Variants in EPB41L4A observed in about 807,000 individuals in gnomAD.
The protein encoded by EPB41L4A is band 4.1-like protein 4A.
In EPB41L4A, 100 loss-of-function variants were observed where a neutral mutation model predicts 108.6. That is an observed-to-expected ratio of 0.92 (90% CI 0.78 to 1.09). The LOEUF (loss-of-function observed/expected upper bound fraction) is 1.09, where lower values mean the gene tolerates loss of function less well. Among genes scored for constraint, EPB41L4A ranks in the 50% least tolerant of loss-of-function variants. The probability of loss-of-function intolerance (pLI) is 0.00; values close to 1 mark genes in which losing one functional copy is unlikely to be tolerated. For synonymous variants in EPB41L4A, 319 were observed against 289.0 expected (o/e 1.10, Z -1.05); for missense variants, 1,030 against 842.7 (o/e 1.22, Z -2.75).
rs563448923 is a variant in EPB41L4A, at chr5:112,179,215, T to G, written c.1622+4801A>C. On this transcript the variant is annotated intron_variant, in intron 18 of 22. Coordinates refer to ENST00000261486, the MANE Select transcript of EPB41L4A (RefSeq NM_022140.5). ...AAACTGAATTTGTAATTTAAAACCT[T>G]CCACAAAGAACATTCCAGGCAGAGA... is the stretch of plus-strand genomic sequence containing the variant. Among the ~76,000 whole-genome samples, 201 of 152,218 alleles carry G rather than the reference T, an allele frequency of 1.3e-3. 1 individual carries two copies. The highest frequency in any genetic ancestry group is 4.6e-3 in the African/African-American group (193 of 41,578).
At chr5:112,161,690 A>G (rs114738159), downstream of EPB41L4A, 4,689 of 495,230 alleles carry the variant, frequency 9.5e-3, 189 homozygotes, top group African/African-American at 0.083. Flanking sequence ...AGCCAGTTCT[A>G]ATTTTTGTTC....
At chr5:112,317,708 A>G (rs1755520076) in intron 1 of EPB41L4A, among the ~76,000 whole-genome samples, 1 of 152,242 alleles carries the variant, frequency 6.6e-6, no homozygotes. Context: ...GCTAGATATC[A>G]TAGTTGCAAA....
chr5:112,280,300 G>A lies in EPB41L4A; in HGVS notation c.228C>T (p.Thr76=). 6.2e-7 allele frequency: 1 copy of A among 1,614,018 alleles called. No homozygotes were observed. The highest frequency in any genetic ancestry group is 8.5e-7 in the Non-Finnish European group (1 of 1,179,930). The change falls in exon 3 of 23, where the codon ACC becomes ACT. Residue 76 remains threonine (T), a synonymous_variant. Coordinates refer to ENST00000261486, the MANE Select transcript of EPB41L4A (RefSeq NM_022140.5). ...HQTYWLDPAK[T]LAEHKELINT... is the part of the protein sequence containing the mutation. ...TGATCAGTTCTTTGTGTTCAGCAAG[G>A]GTTTTTGCAGGATCCAGCCAATACT... is the stretch of plus-strand genomic sequence containing the variant.
chr5:112,183,696 G>A (rs1292757919), intron 18 of EPB41L4A, among the ~76,000 whole-genome samples: 1 of 152,104 alleles, frequency 6.6e-6, no homozygotes, highest in African/African-American at 2.4e-5. Context: ...AGAAGCAGCA[G>A]GTATTTCACC....
intron 15 of EPB41L4A, among the ~76,000 whole-genome samples, chr5:112,198,398 C>A (rs1762065040): frequency 6.6e-6 from 1 of 152,130 alleles, no homozygotes; most frequent in East Asian, 1.9e-4. Context: ...TATTCCCATG[C>A]CCCCTCCAAA....
At position 112,301,342 on chromosome 5, in the gene EPB41L4A, T is replaced by C. The variant is rs148988879; in HGVS notation, c.204+6044A>G. Among the ~76,000 whole-genome samples the C allele has an allele frequency of 8.3e-3, 1,259 of 152,280 alleles. 29 individuals are homozygous for C. The highest frequency in any genetic ancestry group is 0.054 in the South Asian group (261 of 4,824). ...CAGATTCTTTTGTCCCATGGGGTGT[T>C]CCCGTGATGTAGCACTCTCCCCCTT... On this transcript the variant is annotated intron_variant, in intron 2 of 22. Transcript: ENST00000261486.
intron 2 of EPB41L4A, among the ~76,000 whole-genome samples, chr5:112,296,532 G>T (rs1753994747): frequency 6.6e-6 from 1 of 152,054 alleles, no homozygotes; most frequent in South Asian, 2.1e-4. Flanking sequence ...TATTATAATG[G>T]ACTAATTGGA....
At chr5:112,268,866 AGACTTT>A (rs1752058936) in intron 4 of EPB41L4A, among the ~76,000 whole-genome samples, 1 of 145,202 alleles carries the variant, frequency 6.9e-6, no homozygotes, top group Non-Finnish European at 1.5e-5. Context: ...AAAAAAAAAA[AGACTTT>A]AACATCTGAC....
chr5:112,300,867 G>A (rs1754308519), intron 2 of EPB41L4A, among the ~76,000 whole-genome samples: 1 of 151,832 alleles, frequency 6.6e-6, no homozygotes, highest in Admixed American at 6.6e-5. Flanking sequence ...AGTCTTTGTT[G>A]GACTGGGTTA....
intron 9 of EPB41L4A, among the ~76,000 whole-genome samples, chr5:112,258,959 T>TA (rs780194713): frequency 6.6e-6 from 1 of 152,154 alleles, no homozygotes; most frequent in Non-Finnish European, 1.5e-5. Context: ...CAAATTGCAC[T>TA]AACAACAATG....
intron 17 of EPB41L4A, among the ~76,000 whole-genome samples, chr5:112,187,561 A>G (rs1761488517): frequency 6.6e-6 from 1 of 152,216 alleles, no homozygotes; most frequent in Non-Finnish European, 1.5e-5. Context: ...TTTGAAGATG[A>G]AATGCCATAT....
chr5:112,272,184 G>C (rs1429106037), intron 4 of EPB41L4A, among the ~76,000 whole-genome samples: 1 of 147,300 alleles, frequency 6.8e-6, no homozygotes, highest in Non-Finnish European at 1.5e-5. Context: ...GCCCAGGCTG[G>C]AGTGCAGTGC....
intron 1 of EPB41L4A, among the ~76,000 whole-genome samples, chr5:112,323,287 G>A (rs894712969): frequency 6.6e-6 from 1 of 152,114 alleles, no homozygotes; most frequent in African/African-American, 2.4e-5. Flanking sequence ...TAGACTGAAA[G>A]GGCTCCCAGC....
intron 1 of EPB41L4A, among the ~76,000 whole-genome samples, chr5:112,373,946 TGAA>T (rs1396272485): frequency 2.0e-5 from 3 of 152,224 alleles, no homozygotes; most frequent in African/African-American, 4.8e-5. Flanking sequence ...GATTAATATA[TGAA>T]GAAGAGAAAA....
intron 9 of EPB41L4A, among the ~76,000 whole-genome samples, chr5:112,258,445 C>A (rs190830619): frequency 6.6e-6 from 1 of 152,342 alleles, no homozygotes; most frequent in Admixed American, 6.5e-5. Flanking sequence ...ATCAAAAAGA[C>A]AGAAGAGTAG....
At chr5:112,266,791 A>G (rs1751894394) in intron 4 of EPB41L4A, among the ~76,000 whole-genome samples, 1 of 152,082 alleles carries the variant, frequency 6.6e-6, no homozygotes, top group Non-Finnish European at 1.5e-5. Context: ...ATTACATAAC[A>G]CTCTGCCTAT....
At chr5:112,286,551 A>AT (rs1753295119) in intron 2 of EPB41L4A, among the ~76,000 whole-genome samples, 1 of 152,190 alleles carries the variant, frequency 6.6e-6, no homozygotes, top group Admixed American at 6.5e-5. Context: ...GGAAACAATC[A>AT]TAAGAGAAAT....
intron 2 of EPB41L4A, among the ~76,000 whole-genome samples, chr5:112,304,242 G>A (rs763970806): frequency 1.5e-4 from 23 of 152,160 alleles, no homozygotes; most frequent in African/African-American, 5.5e-4. Flanking sequence ...TCAATGCCAC[G>A]TTGATTTCCA....
intron 1 of EPB41L4A, among the ~76,000 whole-genome samples, chr5:112,348,529 A>G (rs1231480649): frequency 1.3e-5 from 2 of 152,170 alleles, no homozygotes; most frequent in African/African-American, 4.8e-5. Flanking sequence ...AGCATCTGGG[A>G]AGTCCCCTGA....
Sources: allele counts gnomAD v4.1 joint callset (sites outside exome capture counted in the v4.1 genomes callset), GRCh38; gene constraint gnomAD v4.1.1; transcripts MANE v1.5; gene names NCBI Gene and HGNC (gene_info 2026-07-23, HGNC 2026-07-21).